SOCS2: variants seen among roughly 807,000 people sequenced by gnomAD.
The protein encoded by SOCS2 is suppressor of cytokine signaling 2, also known as CIS-2.
A neutral mutation model predicts 18.6 loss-of-function variants in SOCS2; 10 were observed. The ratio of observed to expected loss-of-function variants is 0.54; its 90% CI spans 0.33 to 0.91. SOCS2 has a LOEUF of 0.91. Ranked by LOEUF, SOCS2 falls within the 40% of genes least tolerant of loss-of-function variation. SOCS2 has a pLI of 0.02. For missense variants in SOCS2, 231 were observed against 247.2 expected, an observed-to-expected ratio of 0.93 and a Z score of 0.44; for synonymous variants, 104 against 104.0, an observed-to-expected ratio of 1.00 and a Z score of 0.00.
upstream of SOCS2, chr12:93,571,015 C>T (rs1010426334): frequency 7.8e-5 from 12 of 154,312 alleles, no homozygotes; most frequent in East Asian, 3.9e-4. Flanking sequence ...GTCGCGCGCA[C>T]TCGCTGCTCC....
At chr12:93,578,181 G>A (rs1404145005), downstream of SOCS2, among the ~76,000 whole-genome samples, 2 of 152,148 alleles carry the variant, frequency 1.3e-5, no homozygotes, top group Non-Finnish European at 2.9e-5. Context: ...GAGATGAGAG[G>A]TCTTTTTTGG....
chr12:93,624,299 G>A, the SOCS2 span, among the ~76,000 whole-genome samples: 22,570 of 152,134 alleles, frequency 0.15, 2,412 homozygotes, highest in East Asian at 0.35. Context: ...CTGGCCAAGC[G>A]CAGTGGCTCA....
At chr12:93,605,433 G>C in the SOCS2 span, among the ~76,000 whole-genome samples, 1 of 152,118 alleles carries the variant, frequency 6.6e-6, no homozygotes, top group South Asian at 2.1e-4. Flanking sequence ...GAGGCCAGGG[G>C]CTTCAACCAT....
chr12:93,577,057 CTTTGTGGAATTTCTTTAA>C (rs1385800495), downstream of SOCS2, among the ~76,000 whole-genome samples: 1 of 152,168 alleles, frequency 6.6e-6, no homozygotes, highest in African/African-American at 2.4e-5. Context: ...TGCCAAGGGG[CTTTGTGGAATTTCTTTAA>C]AGGTCTTTTG....
At chr12:93,574,700 T>C (rs770597376) in intron 1 of SOCS2, 22 bp from the exon 2 acceptor site, 10 of 1,532,248 alleles carry the variant, frequency 6.5e-6, no homozygotes, top group African/African-American at 4.2e-5. Flanking sequence ...CTTTTCTTTT[T>C]CTTTTTGAAC....
rs41485845 is a variant in SOCS2 at position 93,575,422 on chromosome 12, A to G, written c.*243A>G. Reference sequence around the variant, plus strand: ...GACCAAGACCTGTTGATCCTTTTAGATTAAAAATAAAATGTCGCATGTAAA... The same window carrying G: ...GACCAAGACCTGTTGATCCTTTTAGGTTAAAAATAAAATGTCGCATGTAAA... On this transcript the variant is annotated 3_prime_UTR_variant, in exon 2 of 2. Transcript: ENST00000551556. The G allele has an allele frequency of 0.014, 3,506 of 252,604 alleles. 79 individuals carry two copies. The highest frequency in any genetic ancestry group is 0.064 in the South Asian group (485 of 7,634). 15.6% of individuals were successfully genotyped at this position (252,604 alleles called of 1,614,324 possible). A position where few individuals can be genotyped will look rare whatever the true frequency, so the allele number is the denominator to read the frequency against.
chr12:93,609,114 A>G, the SOCS2 span, among the ~76,000 whole-genome samples: 2 of 152,156 alleles, frequency 1.3e-5, no homozygotes, highest in Non-Finnish European at 2.9e-5. Context: ...TAAATAGGCC[A>G]GGTACGGTGG....
At chr12:93,590,640 A>C in the SOCS2 span, among the ~76,000 whole-genome samples, 1 of 150,578 alleles carries the variant, frequency 6.6e-6, no homozygotes, top group East Asian at 2.0e-4. Context: ...CTAAAAATAC[A>C]AAAATTAGCT....
chr12:93,577,230 G>A (rs568106873), downstream of SOCS2, among the ~76,000 whole-genome samples: 1 of 152,310 alleles, frequency 6.6e-6, no homozygotes, highest in Admixed American at 6.5e-5. Context: ...CTGGAGGACA[G>A]CACAAACATC....
the SOCS2 span, among the ~76,000 whole-genome samples, chr12:93,609,712 A>G: frequency 6.6e-6 from 1 of 152,246 alleles, no homozygotes; most frequent in African/African-American, 2.4e-5. Context: ...GCAGTAATTT[A>G]TGACTGTTCC....
At chr12:93,591,004 G>A in the SOCS2 span, among the ~76,000 whole-genome samples, 14 of 151,828 alleles carry the variant, frequency 9.2e-5, no homozygotes, top group Admixed American at 2.0e-4. Context: ...TGGATAACAA[G>A]TTTTTACTTG....
chr12:93,617,844 T>C, the SOCS2 span, among the ~76,000 whole-genome samples: 2 of 152,170 alleles, frequency 1.3e-5, no homozygotes, highest in African/African-American at 2.4e-5. Context: ...CTCTAGATCA[T>C]GCCACTAGTA....
chr12:93,614,427 TTC>T, the SOCS2 span, among the ~76,000 whole-genome samples: 450 of 78,078 alleles, frequency 5.8e-3, 29 homozygotes, highest in Middle Eastern at 0.019. Context: ...CTTCCTTTCT[TTC>T]CCTTCCTTCC....
chr12:93,587,034 G>A (rs1428995301), downstream of SOCS2, among the ~76,000 whole-genome samples: 1 of 152,202 alleles, frequency 6.6e-6, no homozygotes, highest in African/African-American at 2.4e-5. Flanking sequence ...CAGGTGTGAT[G>A]GCGTGTGCCT....
At chr12:93,618,706 C>T in the SOCS2 span, among the ~76,000 whole-genome samples, 1 of 152,220 alleles carries the variant, frequency 6.6e-6, no homozygotes, top group East Asian at 1.9e-4. Flanking sequence ...TCGAGTAGCC[C>T]CTCTCAGCCA....
chr12:93,613,278 T>C, the SOCS2 span, among the ~76,000 whole-genome samples: 10 of 152,164 alleles, frequency 6.6e-5, no homozygotes, highest in Non-Finnish European at 1.3e-4. Context: ...ATATGAAAAA[T>C]AGCCTCTTCG....
At chr12:93,581,349 T>C (rs1954536679), downstream of SOCS2, among the ~76,000 whole-genome samples, 1 of 152,206 alleles carries the variant, frequency 6.6e-6, no homozygotes, top group East Asian at 1.9e-4. Flanking sequence ...ATCAGTTTAT[T>C]TGTAGCCTCT....
chr12:93,583,693 A>G (rs1954566190), downstream of SOCS2, among the ~76,000 whole-genome samples: 2 of 152,182 alleles, frequency 1.3e-5, no homozygotes, highest in South Asian at 2.1e-4. Flanking sequence ...CATGGGTTTT[A>G]TTACGTCCAA....
chr12:93,580,381 G>A (rs1334742336), downstream of SOCS2, among the ~76,000 whole-genome samples: 7 of 152,048 alleles, frequency 4.6e-5, no homozygotes, highest in Admixed American at 4.6e-4. Context: ...CAGCACTTTG[G>A]GAGGCCAAGG....
Sources: allele counts gnomAD v4.1 joint callset (sites outside exome capture counted in the v4.1 genomes callset), GRCh38; gene constraint gnomAD v4.1.1; transcripts MANE v1.5; gene names NCBI Gene and HGNC (gene_info 2026-07-23, HGNC 2026-07-21).